Variants in IQSEC3 observed in about 807,000 individuals in gnomAD.
The protein encoded by IQSEC3 is IQ motif and SEC7 domain-containing protein 3.
In IQSEC3, 50 loss-of-function variants were observed where a neutral mutation model predicts 105.4. The observed-to-expected ratio is 0.47, with a 90% CI of 0.38 to 0.60. The LOEUF (loss-of-function observed/expected upper bound fraction) is 0.60, where lower values mean the gene tolerates loss of function less well. IQSEC3 is among the 20% of genes least tolerant of loss of function. The pLI is 0.00. For missense variants in IQSEC3, 1,415 were observed against 1,630.0 expected (o/e 0.87, Z 2.27); for synonymous variants, 708 against 746.0 (o/e 0.95, Z 0.83).
chr12:154,881 G>C (rs1555093726), intron 5 of IQSEC3, among the ~76,000 whole-genome samples: 1 of 151,540 alleles, frequency 6.6e-6, no homozygotes, highest in Admixed American at 6.6e-5. Context: ...TTCTCTCCTT[G>C]CTCTCTGTCG....
chr12:86,603 A>G (rs960017078), intron 1 of IQSEC3, among the ~76,000 whole-genome samples: 4 of 152,162 alleles, frequency 2.6e-5, no homozygotes, highest in African/African-American at 9.7e-5. Context: ...CAAAGATATT[A>G]ACAGGAAAAT....
At position 139,095 on chromosome 12, in the gene IQSEC3, G is replaced by T; in HGVS notation, c.1732G>T (p.Glu578Ter). ...CAAAACAGAGGAGGAAGAGGAGGAGGAGGAGACGGCGGAGGTGGGGAGAGG... is the reference window on the plus strand; with the variant it reads ...CAAAACAGAGGAGGAAGAGGAGGAGTAGGAGACGGCGGAGGTGGGGAGAGG... ...APKTEEEEEE[E>*]ETAEVGRGAE... The change falls in exon 4 of 14, where the codon GAG (glutamate) becomes TAG (stop). Residue 578 changes from glutamate (E) to a stop codon, truncating the protein, a stop_gained. Transcript: ENST00000538872. LOFTEE classifies it high-confidence loss of function. The T allele has an allele frequency of 6.7e-7, 1 of 1,500,530 alleles. No individual in the cohort carries two copies. The allele number at this position is 1,500,530 out of a possible 1,614,324, so 93.0% of individuals were successfully genotyped here. A position where few individuals can be genotyped will look rare whatever the true frequency, so the allele number is the denominator to read the frequency against.
At chr12:92,837 C>T (rs782147441) in intron 1 of IQSEC3, among the ~76,000 whole-genome samples, 22 of 152,220 alleles carry the variant, frequency 1.4e-4, no homozygotes, top group Non-Finnish European at 3.2e-4. Context: ...GTTCTGAGAA[C>T]AGCTGGTTCT....
At chr12:131,252 T>C (rs1865590907) in intron 3 of IQSEC3, among the ~76,000 whole-genome samples, 1 of 152,206 alleles carries the variant, frequency 6.6e-6, no homozygotes, top group African/African-American at 2.4e-5. Flanking sequence ...AATTGCTCTC[T>C]TGGCAGGGGG....
intron 8 of IQSEC3, 34 bp downstream of exon 8, chr12:162,099 CT>C: frequency 6.2e-7 from 1 of 1,605,206 alleles, no homozygotes; most frequent in Non-Finnish European, 8.5e-7. Flanking sequence ...CTCCCGTCTC[CT>C]TTCCTTTCTT....
In IQSEC3 at chr12:166,227, G is replaced by A. The variant is rs377351306; in HGVS notation, c.2971+337G>A. The A allele has an allele frequency of 3.0e-4, 92 of 307,264 alleles. 1 individual carries two copies. In the South Asian group the frequency reaches 7.7e-3, roughly 26 times the overall value. The allele number at this position is 307,264 out of a possible 1,614,324, so 19.0% of individuals were successfully genotyped here. On this transcript the variant is annotated intron_variant, in intron 11 of 13. Coordinates refer to ENST00000538872, the MANE Select transcript of IQSEC3 (RefSeq NM_001170738.2). ...AGGCAGGCCCATGGGGCTCTGGTGC[G>A]TTCCTTCCCACCAAACCGTCTGCTG...
At chr12:140,128 CG>C (rs1231546403) in intron 4 of IQSEC3, 2 of 152,218 alleles carry the variant, frequency 1.3e-5, no homozygotes, top group African/African-American at 4.8e-5. Context: ...TTCGTTCATT[CG>C]GCTGTTATTT....
chr12:76,795 C>T (rs1474303498), intron 1 of IQSEC3, among the ~76,000 whole-genome samples: 1 of 152,276 alleles, frequency 6.6e-6, no homozygotes, highest in Non-Finnish European at 1.5e-5. Context: ...CGGCCAGACA[C>T]ACACAAAGCT....
chr12:107,643 C>T, intron 2 of IQSEC3, among the ~76,000 whole-genome samples: 1 of 152,000 alleles, frequency 6.6e-6, no homozygotes, highest in Middle Eastern at 3.2e-3. Flanking sequence ...ATCTCCTGAC[C>T]TCGTGATCCG....
chr12:173,069 C>T (rs1000825428), intron 13 of IQSEC3, among the ~76,000 whole-genome samples: 7 of 152,154 alleles, frequency 4.6e-5, no homozygotes, highest in African/African-American at 1.4e-4. Flanking sequence ...TGTCTCAGGC[C>T]CCGTGTCTCC....
intron 2 of IQSEC3, among the ~76,000 whole-genome samples, chr12:108,228 T>C (rs1267843175): frequency 2.0e-5 from 3 of 152,270 alleles, no homozygotes; most frequent in African/African-American, 4.8e-5. Flanking sequence ...GTTTCCCATA[T>C]ACCAATTCTT....
In IQSEC3 at chr12:145,737, C is replaced by T. The variant is rs552778686; in HGVS notation, c.2153+4452C>T. Among the ~76,000 whole-genome samples the T allele has an allele frequency of 3.3e-5, 5 of 152,388 alleles. No individual in the cohort carries two copies. The East Asian group carries it at 9.6e-4, about 29-fold the overall frequency. The stretch of plus-strand genomic sequence containing the variant: ...TCTAGGGCTGGAAGCCTCTCCCTCT[C>T]GGTTTTCACATGGCTGGGGAATTTG... On this transcript the variant is annotated intron_variant, in intron 5 of 13. Coordinates refer to ENST00000538872, the MANE Select transcript of IQSEC3 (RefSeq NM_001170738.2).
chr12:118,821 T>C (rs1176677258), intron 2 of IQSEC3, among the ~76,000 whole-genome samples: 1 of 152,132 alleles, frequency 6.6e-6, no homozygotes, highest in African/African-American at 2.4e-5. Flanking sequence ...CTTCAGTTGC[T>C]CCTGTCCCCT....
chr12:157,492 G>GGGCGCCC, intron 6 of IQSEC3, 36 bp from the exon 7 acceptor site: 1 of 1,389,470 alleles, frequency 7.2e-7, no homozygotes, highest in Non-Finnish European at 9.8e-7. Context: ...GGTGGGCGGG[G>GGGCGCCC]GCTCAGCGTC....
At position 101,962 on chromosome 12, in the gene IQSEC3, C is replaced by G. The variant is rs569910492; in HGVS notation, c.623+2748C>G. Among the ~76,000 whole-genome samples the G allele has an allele frequency of 2.0e-5, 3 of 152,328 alleles. No homozygotes were observed. The East Asian group carries it at 5.8e-4, about 29-fold the overall frequency. ...CATAGCCACAACTTCCCAGTAAGCT[C>G]CTCTAGTGGAATGTGTCACAGTCAG... is the stretch of plus-strand genomic sequence containing the variant. On this transcript the variant is annotated intron_variant, in intron 2 of 13. Transcript: ENST00000538872.
intron 9 of IQSEC3, among the ~76,000 whole-genome samples, chr12:164,227 C>T (rs558642381): frequency 2.6e-3 from 391 of 152,308 alleles, no homozygotes; most frequent in Non-Finnish European, 4.5e-3. Context: ...CCATGAGCCA[C>T]GTTGGCACTG....
In IQSEC3 at chr12:144,885, G is replaced by A. The variant is rs1866197771; in HGVS notation, c.2153+3600G>A. Among the ~76,000 whole-genome samples the A allele has an allele frequency of 2.0e-5, 3 of 152,242 alleles. No homozygotes were observed. In the South Asian group the frequency reaches 6.2e-4, roughly 31 times the overall value. On this transcript the variant is annotated intron_variant, in intron 5 of 13. Coordinates refer to ENST00000538872, the MANE Select transcript of IQSEC3 (RefSeq NM_001170738.2). ...AGAGTCTTGCTCTGTTGCCTGGAGT[G>A]CAGTGGTGCAACCATGGCTCACTGC...
At chr12:117,135 G>C (rs1865074820) in intron 2 of IQSEC3, among the ~76,000 whole-genome samples, 1 of 152,192 alleles carries the variant, frequency 6.6e-6, no homozygotes, top group African/African-American at 2.4e-5. Context: ...CCGTGGTTCT[G>C]CAGCCTTATC....
intron 2 of IQSEC3, among the ~76,000 whole-genome samples, chr12:124,650 G>T (rs1270543530): frequency 6.6e-6 from 1 of 152,240 alleles, no homozygotes; most frequent in Non-Finnish European, 1.5e-5. Context: ...GAAATAGACA[G>T]TGACTCTCTA....
Sources: gnomAD v4.1 joint callset for allele counts (sites outside exome capture counted in the v4.1 genomes callset) on GRCh38, gnomAD v4.1.1 for gene constraint, MANE v1.5 for transcripts, NCBI Gene and HGNC (gene_info 2026-07-23, HGNC 2026-07-21) for gene names.